SCHIP1: variants seen among roughly 807,000 people sequenced by gnomAD.
SCHIP1 encodes the protein schwannomin interacting protein 1.
In SCHIP1, 8 loss-of-function variants were observed where a neutral mutation model predicts 29.7. The observed-to-expected ratio is 0.27, with a 90% CI of 0.16 to 0.49. SCHIP1 has a LOEUF of 0.49. Among genes scored for constraint, SCHIP1 ranks in the 20% least tolerant of loss-of-function variants. The probability of loss-of-function intolerance (pLI) is 0.99; values close to 1 mark genes in which losing one functional copy is unlikely to be tolerated. For missense variants in SCHIP1, 193 were observed against 294.6 expected, an observed-to-expected ratio of 0.66 and a Z score of 2.52; for synonymous variants, 76 against 94.9, an observed-to-expected ratio of 0.80 and a Z score of 1.16.
chr3:159,296,469 G>A, the SCHIP1 span, among the ~76,000 whole-genome samples: 1 of 152,078 alleles, frequency 6.6e-6, no homozygotes, highest in Admixed American at 6.6e-5. Context: ...GTGTGGTAAG[G>A]ACACTTAAAA....
chr3:159,652,303 C>A, the SCHIP1 span, among the ~76,000 whole-genome samples: 1 of 152,024 alleles, frequency 6.6e-6, no homozygotes, highest in African/African-American at 2.4e-5. Flanking sequence ...CTTATTATTT[C>A]TTGGTAAGGT....
chr3:159,740,379 G>A, the SCHIP1 span, among the ~76,000 whole-genome samples: 2 of 152,194 alleles, frequency 1.3e-5, no homozygotes, highest in African/African-American at 2.4e-5. Context: ...TGAGAGGAGA[G>A]TTGGGGAGTC....
chr3:159,616,384 G>A, the SCHIP1 span, among the ~76,000 whole-genome samples: 1 of 152,150 alleles, frequency 6.6e-6, no homozygotes, highest in African/African-American at 2.4e-5. Flanking sequence ...TTACTGGCAT[G>A]AGCCACCACG....
At chr3:159,766,598 A>G in the SCHIP1 span, among the ~76,000 whole-genome samples, 2 of 152,216 alleles carry the variant, frequency 1.3e-5, no homozygotes, top group African/African-American at 4.8e-5. Flanking sequence ...ATTGCGTGAC[A>G]TTTATACATT....
the SCHIP1 span, among the ~76,000 whole-genome samples, chr3:159,598,932 A>T: frequency 6.6e-6 from 1 of 152,088 alleles, no homozygotes; most frequent in Non-Finnish European, 1.5e-5. Flanking sequence ...TTGCTTTTTC[A>T]TTATATAATG....
the SCHIP1 span, among the ~76,000 whole-genome samples, chr3:159,629,110 G>A: frequency 1.3e-5 from 2 of 151,752 alleles, no homozygotes; most frequent in African/African-American, 4.8e-5. Flanking sequence ...TTCTGTATCT[G>A]TAACTCATCA....
chr3:159,817,460 C>A, the SCHIP1 span, among the ~76,000 whole-genome samples: 11 of 152,166 alleles, frequency 7.2e-5, no homozygotes, highest in African/African-American at 2.7e-4. Flanking sequence ...GAGTGCTTAG[C>A]TGGGTTTAAA....
At chr3:159,829,176 G>A in the SCHIP1 span, among the ~76,000 whole-genome samples, 1,830 of 152,220 alleles carry the variant, frequency 0.012, 46 homozygotes, top group African/African-American at 0.043. Flanking sequence ...AAAAATAATA[G>A]GATTGTGTCC....
At chr3:159,291,704 C>T in the SCHIP1 span, among the ~76,000 whole-genome samples, 18 of 152,132 alleles carry the variant, frequency 1.2e-4, no homozygotes, top group African/African-American at 4.3e-4. Flanking sequence ...AGTACATATC[C>T]CTGTAAAAAT....
the SCHIP1 span, among the ~76,000 whole-genome samples, chr3:159,763,236 T>C: frequency 2.0e-5 from 3 of 151,274 alleles, no homozygotes. Context: ...GAAATGATGG[T>C]GCATGACCAC....
chr3:159,342,437 G>T, the SCHIP1 span, among the ~76,000 whole-genome samples: 1 of 152,188 alleles, frequency 6.6e-6, no homozygotes, highest in Non-Finnish European at 1.5e-5. Flanking sequence ...AGTCAGCAGT[G>T]TGAAATATTC....
At chr3:159,589,961 T>TA in the SCHIP1 span, among the ~76,000 whole-genome samples, 1 of 152,202 alleles carries the variant, frequency 6.6e-6, no homozygotes, top group Non-Finnish European at 1.5e-5. Context: ...GGTGGCTAGA[T>TA]AAAATACAGA....
chr3:159,508,424 G>C, the SCHIP1 span, among the ~76,000 whole-genome samples: 918 of 152,232 alleles, frequency 6.0e-3, 9 homozygotes, highest in African/African-American at 0.021. Flanking sequence ...CCAGCTCCTG[G>C]ATTCATTGAT....
the SCHIP1 span, among the ~76,000 whole-genome samples, chr3:159,829,021 CAG>C: frequency 1.3e-5 from 2 of 152,174 alleles, no homozygotes; most frequent in East Asian, 1.9e-4. Flanking sequence ...TGCTGGAAAA[CAG>C]AGAGTAAAAG....
the SCHIP1 span, among the ~76,000 whole-genome samples, chr3:159,674,811 T>C: frequency 6.6e-6 from 1 of 152,104 alleles, no homozygotes; most frequent in Non-Finnish European, 1.5e-5. Context: ...GCACACCTCT[T>C]GAATATATGG....
the SCHIP1 span, among the ~76,000 whole-genome samples, chr3:159,577,175 A>G: frequency 1.3e-5 from 2 of 152,190 alleles, no homozygotes; most frequent in African/African-American, 2.4e-5. Context: ...GCTAAATGTT[A>G]GGAACTTGCT....
At chr3:159,328,220 T>C in the SCHIP1 span, among the ~76,000 whole-genome samples, 163 of 152,344 alleles carry the variant, frequency 1.1e-3, 1 homozygote, top group African/African-American at 3.8e-3. Flanking sequence ...ATGACTACTA[T>C]ATTAGATGGC....
At chr3:159,864,596 A>C (rs889112570) in intron 1 of SCHIP1, among the ~76,000 whole-genome samples, 3 of 151,838 alleles carry the variant, frequency 2.0e-5, no homozygotes, top group African/African-American at 7.3e-5. Flanking sequence ...GATAATCACT[A>C]AGTGTGTACA....
the SCHIP1 span, among the ~76,000 whole-genome samples, chr3:159,577,865 A>G: frequency 2.0e-5 from 3 of 152,216 alleles, no homozygotes; most frequent in Non-Finnish European, 4.4e-5. Context: ...CAAAGCAATC[A>G]ACCAGAAAAT....
Sources: allele counts gnomAD v4.1 joint callset (sites outside exome capture counted in the v4.1 genomes callset), GRCh38; gene constraint gnomAD v4.1.1; transcripts MANE v1.5; gene names NCBI Gene and HGNC (gene_info 2026-07-23, HGNC 2026-07-21).